The following SLC28A1 variants were observed in gnomAD, a reference collection of about 807,000 sequenced individuals.
SLC28A1 encodes the protein sodium/nucleoside cotransporter 1.
In SLC28A1, 64 loss-of-function variants were observed where a neutral mutation model predicts 74.8. The ratio of observed to expected loss-of-function variants is 0.86; its 90% CI spans 0.70 to 1.05. SLC28A1 has a LOEUF of 1.05. Ranked by LOEUF, SLC28A1 falls within the 50% of genes least tolerant of loss-of-function variation. The pLI is 0.00. For synonymous variants in SLC28A1, 359 were observed against 335.0 expected, an observed-to-expected ratio of 1.07 and a Z score of -0.78; for missense variants, 828 against 822.8, an observed-to-expected ratio of 1.01 and a Z score of -0.08.
intron 15 of SLC28A1, 132 bp from the exon 16 acceptor site, chr15:84,943,313 C>T (rs185693304): frequency 1.8e-5 from 13 of 704,826 alleles, no homozygotes; most frequent in South Asian, 1.5e-4. Context: ...GGGGAAGCGG[C>T]AGCACAGAGG....
intron 9 of SLC28A1, among the ~76,000 whole-genome samples, chr15:84,912,402 C>T (rs1968385902): frequency 6.6e-6 from 1 of 152,164 alleles, no homozygotes; most frequent in African/African-American, 2.4e-5. Flanking sequence ...GGGCCATGGT[C>T]CAGCTGCTCT....
At chr15:84,973,708 G>A in the SLC28A1 span, among the ~76,000 whole-genome samples, 19 of 152,284 alleles carry the variant, frequency 1.2e-4, no homozygotes, top group South Asian at 1.5e-3. Context: ...TTATACGCTC[G>A]CGTAGTTGCA....
chr15:84,900,573 A>G (rs1157700417), intron 6 of SLC28A1, among the ~76,000 whole-genome samples: 1 of 151,744 alleles, frequency 6.6e-6, no homozygotes, highest in African/African-American at 2.4e-5. Context: ...CTGAGCTAGG[A>G]GGACTGCTTA....
rs187580468 is a variant in SLC28A1, at chr15:84,924,167, G to A, written c.1083+57G>A. The A allele has an allele frequency of 1.3e-4, 206 of 1,587,402 alleles. No homozygotes were observed. In the East Asian group the frequency reaches 4.3e-3, roughly 33 times the overall value. On this transcript the variant is annotated intron_variant, in intron 12 of 18. Coordinates refer to ENST00000394573, the MANE Select transcript of SLC28A1 (RefSeq NM_004213.5). ...TTGAGGACCTGAAGCCCATCTTTGT[G>A]GGAGCCCCACACAGCTCCTGGCCAG...
intron 7 of SLC28A1, among the ~76,000 whole-genome samples, chr15:84,904,842 G>A (rs1209128072): frequency 1.3e-5 from 2 of 152,052 alleles, no homozygotes; most frequent in Non-Finnish European, 2.9e-5. Flanking sequence ...AGGCAGCCAC[G>A]CACCCATTTG....
At chr15:84,955,544 T>C in the SLC28A1 span, among the ~76,000 whole-genome samples, 1 of 152,186 alleles carries the variant, frequency 6.6e-6, no homozygotes, top group East Asian at 1.9e-4. Context: ...GGTGGCTGCC[T>C]CCACAGCAGT....
chr15:84,923,191 G>GCA (rs1189276111), intron 11 of SLC28A1, among the ~76,000 whole-genome samples: 1 of 152,288 alleles, frequency 6.6e-6, no homozygotes, highest in East Asian at 1.9e-4. Flanking sequence ...TACCACCTCA[G>GCA]CCTCCCAAAG....
At chr15:84,904,660 G>A (rs1188844900) in intron 7 of SLC28A1, among the ~76,000 whole-genome samples, 5 of 152,164 alleles carry the variant, frequency 3.3e-5, no homozygotes. Context: ...CAACAGCGGC[G>A]CCTCCATGGA....
intron 15 of SLC28A1, 107 bp from the exon 16 acceptor site, chr15:84,943,338 T>A: frequency 1.3e-6 from 1 of 787,068 alleles, no homozygotes; most frequent in Non-Finnish European, 2.2e-6. Flanking sequence ...AAAGGTCAAT[T>A]ACATGTAAGA....
the SLC28A1 span, among the ~76,000 whole-genome samples, chr15:84,971,370 G>T: frequency 1.3e-5 from 2 of 152,174 alleles, no homozygotes; most frequent in South Asian, 2.1e-4. Flanking sequence ...CACAGGGAAA[G>T]ATCCCTCATG....
intron 15 of SLC28A1, chr15:84,938,430 C>T (rs955556473): frequency 6.6e-6 from 1 of 152,060 alleles, no homozygotes; most frequent in South Asian, 2.1e-4. Flanking sequence ...ATATAGAATG[C>T]TTCATGAATT....
intron 11 of SLC28A1, among the ~76,000 whole-genome samples, chr15:84,923,056 G>A (rs1412921357): frequency 6.6e-6 from 1 of 152,166 alleles, no homozygotes; most frequent in Non-Finnish European, 1.5e-5. Flanking sequence ...TCGTGCCTAA[G>A]CCTCCCTAGT....
At chr15:84,970,551 G>A in the SLC28A1 span, among the ~76,000 whole-genome samples, 2 of 152,174 alleles carry the variant, frequency 1.3e-5, no homozygotes, top group Admixed American at 1.3e-4. Context: ...TCACAGATGG[G>A]GACCTGAGCT....
At chr15:84,929,120 T>A (rs1021285435) in intron 12 of SLC28A1, among the ~76,000 whole-genome samples, 25 of 152,260 alleles carry the variant, frequency 1.6e-4, no homozygotes, top group African/African-American at 5.5e-4. Context: ...TTATTAATTT[T>A]AAATTTTTAT....
intron 15 of SLC28A1, 100 bp downstream of exon 15, chr15:84,935,618 A>C: frequency 9.9e-7 from 1 of 1,011,798 alleles, no homozygotes; most frequent in Non-Finnish European, 1.5e-6. Context: ...GGCCTGGCTG[A>C]GACACACTGA....
downstream of SLC28A1, among the ~76,000 whole-genome samples, chr15:84,948,912 C>T (rs543599945): frequency 6.6e-6 from 1 of 152,258 alleles, no homozygotes; most frequent in African/African-American, 2.4e-5. Context: ...TGCTTTGATC[C>T]ATCCCAGTTT....
the SLC28A1 span, among the ~76,000 whole-genome samples, chr15:84,967,387 A>G: frequency 2.0e-5 from 3 of 152,216 alleles, no homozygotes; most frequent in Non-Finnish European, 4.4e-5. Context: ...TTCTTTTAGC[A>G]AAAGGGTTTC....
intron 15 of SLC28A1, among the ~76,000 whole-genome samples, chr15:84,940,059 C>G (rs1400906423): frequency 2.0e-5 from 3 of 152,158 alleles, no homozygotes; most frequent in Admixed American, 2.0e-4. Context: ...AACTCCTGAC[C>G]TCAAGCAATC....
At chr15:84,974,210 T>C in the SLC28A1 span, among the ~76,000 whole-genome samples, 182 of 152,340 alleles carry the variant, frequency 1.2e-3, no homozygotes, top group Middle Eastern at 3.4e-3. Context: ...TTGCCTCACA[T>C]TTACCCTGGG....
Sources: gnomAD v4.1 joint callset for allele counts (sites outside exome capture counted in the v4.1 genomes callset) on GRCh38, gnomAD v4.1.1 for gene constraint, MANE v1.5 for transcripts, NCBI Gene and HGNC (gene_info 2026-07-23, HGNC 2026-07-21) for gene names.